The following BCAP29 variants were observed in gnomAD, a reference collection of about 807,000 sequenced individuals.
BCAP29 encodes the protein B cell receptor associated protein 29, also known as B-cell receptor-associated protein 29.
BCAP29 carries 34 observed loss-of-function variants against 31.8 expected under a neutral mutation model. The observed-to-expected ratio is 1.07, with a 90% CI of 0.81 to 1.42. The LOEUF is 1.42. Ranked by LOEUF, BCAP29 falls within the 40% of genes most tolerant of loss-of-function variation. The pLI, the probability that BCAP29 is intolerant of heterozygous loss-of-function variation, is 0.00. For synonymous variants in BCAP29, 104 were observed against 91.3 expected, an observed-to-expected ratio of 1.14 and a Z score of -0.79; for missense variants, 314 against 269.2, an observed-to-expected ratio of 1.17 and a Z score of -1.16.
At chr7:107,600,579 T>TAGGA in intron 6 of BCAP29, 74 bp downstream of exon 6, 1 of 830,540 alleles carries the variant, frequency 1.2e-6, no homozygotes, top group Non-Finnish European at 1.9e-6. Flanking sequence ...CTGTTTTTCC[T>TAGGA]AAAACAAAAC....
At chr7:107,580,933 C>G (rs1385759999) in intron 2 of BCAP29, 69 bp downstream of exon 2, 2 of 1,214,436 alleles carry the variant, frequency 1.6e-6, no homozygotes, top group Non-Finnish European at 2.3e-6. Context: ...AAAAAGTTTT[C>G]TGAACATTAA....
intron 6 of BCAP29, chr7:107,603,646 C>T (rs1811575941): frequency 6.8e-6 from 1 of 147,600 alleles, no homozygotes; most frequent in South Asian, 2.1e-4. Flanking sequence ...CTCACTGTCA[C>T]CCAGGTGGGA....
At chr7:107,617,336 G>T (rs968616677) in intron 7 of BCAP29, among the ~76,000 whole-genome samples, 4 of 152,104 alleles carry the variant, frequency 2.6e-5, no homozygotes, top group Non-Finnish European at 5.9e-5. Flanking sequence ...ACTGTAAATA[G>T]ATCCCAATTT....
chr7:107,583,847 T>G, intron 2 of BCAP29, 35 bp from the exon 3 acceptor site: 1 of 1,157,244 alleles, frequency 8.6e-7, no homozygotes, highest in South Asian at 1.6e-5. Flanking sequence ...TTATTTTAGT[T>G]TTTTTATACC....
Position 107,618,440 on chromosome 7 carries a change from C to A in BCAP29, c.*77C>A. 1 of 1,612,630 alleles carries A rather than the reference C, an allele frequency of 6.2e-7. No individual in the cohort carries two copies. Among genetic ancestry groups the A allele is most frequent in the South Asian group, 1.1e-5 (1 of 90,958 alleles). On this transcript the variant is annotated 3_prime_UTR_variant, in exon 8 of 8. Transcript: ENST00000005259. Reference sequence around the variant, plus strand: ...TGTTAGCCTCTAGAAAATTTAAGTTCAGAAAAATGCACTATGACCGGTTCG... The same window carrying A: ...TGTTAGCCTCTAGAAAATTTAAGTTAAGAAAAATGCACTATGACCGGTTCG...
Position 107,600,466 on chromosome 7 carries a change from C to A in BCAP29, c.550C>A (p.Gln184Lys). 1 of 1,609,516 alleles carries A rather than the reference C, an allele frequency of 6.2e-7. No individual in the cohort carries two copies. ...AGAAAATAAAAAACTAGTAGAAGAC[C>A]AGGAGAAACTGAAAACTGAATTAAG... ...EAENKKLVED[Q>K]EKLKTELRKT... The change falls in exon 6 of 8, where the codon CAG becomes AAG. Residue 184 changes from glutamine (Q) to lysine (K), a missense_variant. Coordinates refer to ENST00000005259, the MANE Select transcript of BCAP29 (RefSeq NM_018844.4).
chr7:107,605,046 C>T (rs936155040), intron 6 of BCAP29, among the ~76,000 whole-genome samples: 4 of 152,118 alleles, frequency 2.6e-5, no homozygotes, highest in Admixed American at 2.6e-4. Context: ...TATCAGAGTA[C>T]TTTTCTTGGA....
At chr7:107,611,654 G>A (rs1248561082) in intron 6 of BCAP29, among the ~76,000 whole-genome samples, 1 of 152,194 alleles carries the variant, frequency 6.6e-6, no homozygotes, top group Non-Finnish European at 1.5e-5. Context: ...TCTTTATGTT[G>A]TGAAGGTGGT....
At chr7:107,611,994 A>G (rs1478218602) in intron 6 of BCAP29, among the ~76,000 whole-genome samples, 1 of 152,198 alleles carries the variant, frequency 6.6e-6, no homozygotes, top group Non-Finnish European at 1.5e-5. Flanking sequence ...AACATTTGAC[A>G]ATACTGTCTA....
Position 107,619,714 on chromosome 7 carries a change from C to G in BCAP29, c.*1351C>G, listed in dbSNP as rs1186815849. 6.6e-6 allele frequency: 1 copy of G among 152,074 alleles called. No homozygotes were observed. Among genetic ancestry groups the G allele is most frequent in the Non-Finnish European group, 1.5e-5 (1 of 68,008 alleles). 9.4% of individuals were successfully genotyped at this position (152,074 alleles called of 1,614,324 possible). A position where few individuals can be genotyped will look rare whatever the true frequency, so the allele number is the denominator to read the frequency against. ...AAGGGAGTGCTGAAATAGGAGAGAA[C>G]AGAGCAAATGTTAGCTCAAAGTATA... On this transcript the variant is annotated 3_prime_UTR_variant, in exon 8 of 8. Coordinates refer to ENST00000005259, the MANE Select transcript of BCAP29 (RefSeq NM_018844.4).
intron 5 of BCAP29, among the ~76,000 whole-genome samples, chr7:107,597,223 C>T (rs1810016529): frequency 1.3e-5 from 2 of 152,062 alleles, no homozygotes; most frequent in Admixed American, 1.3e-4. Context: ...TGTGAAAACA[C>T]CCCCTTTGTT....
chr7:107,613,550 T>A (rs1261707890), intron 7 of BCAP29, 118 bp downstream of exon 7: 4 of 1,341,294 alleles, frequency 3.0e-6, no homozygotes, highest in Admixed American at 2.0e-5. Flanking sequence ...CTGGCTTTGT[T>A]AAACGATTTA....
At chr7:107,584,292 C>A (rs954949769) in intron 3 of BCAP29, among the ~76,000 whole-genome samples, 1 of 152,134 alleles carries the variant, frequency 6.6e-6, no homozygotes, top group South Asian at 2.1e-4. Flanking sequence ...TGTTGTCTCT[C>A]CTTTGTTACT....
chr7:107,582,121 GAGAA>G (rs1052411231), intron 2 of BCAP29, among the ~76,000 whole-genome samples: 1 of 152,132 alleles, frequency 6.6e-6, no homozygotes, highest in Non-Finnish European at 1.5e-5. Context: ...ATATACTCAA[GAGAA>G]AGAAAGATTT....
In BCAP29 at chr7:107,604,690, T is replaced by G. The variant is rs998125128; in HGVS notation, c.589+4185T>G. On this transcript the variant is annotated intron_variant, in intron 6 of 7. Transcript: ENST00000005259. ...TTGTTGTTGTTGTTGTTGTTGTTTTTTTTTTTTTGCTTTGTTGCCTTTTAA... is the reference window on the plus strand; with the variant it reads ...TTGTTGTTGTTGTTGTTGTTGTTTTGTTTTTTTTGCTTTGTTGCCTTTTAA... 7.6e-4 allele frequency among the ~76,000 whole-genome samples: 114 copies of G among 149,718 alleles called. 1 individual carries two copies. Among genetic ancestry groups the G allele is most frequent in the African/African-American group, 2.7e-3 (108 of 39,932 alleles).
rs145323623 is a variant in BCAP29, at chr7:107,583,891, G to A, written c.102G>A (p.Lys34=). ...LPFIPPQRWQ[K]IFSFNVWGKI... ...TTGTATTGCTTTACAGATGGCAGAA[G>A]ATTTTTTCATTTAATGTCTGGGGTA... is the stretch of plus-strand genomic sequence containing the variant. The change falls in exon 3 of 8, where the codon AAG becomes AAA. Residue 34 remains lysine (K), a synonymous_variant. Transcript: ENST00000005259. 1 of 1,558,032 alleles carries A rather than the reference G, an allele frequency of 6.4e-7. No individual in the cohort carries two copies. Among genetic ancestry groups the A allele is most frequent in the African/African-American group, 1.4e-5 (1 of 72,900 alleles).
downstream of BCAP29, chr7:107,621,770 A>G (rs773286491): frequency 1.3e-5 from 6 of 474,746 alleles, no homozygotes; most frequent in Non-Finnish European, 2.6e-5. Context: ...TCTTCCCCAG[A>G]GCCTCTTCCA....
At chr7:107,620,620 C>G, downstream of BCAP29, 1 of 152,076 alleles carries the variant, frequency 6.6e-6, no homozygotes, top group East Asian at 1.9e-4. Flanking sequence ...TTAGACTTTC[C>G]CCCTACTTGC....
In BCAP29 at chr7:107,595,957, C is replaced by G. The variant is rs754799660; in HGVS notation, c.435C>G (p.Asn145Lys). 6.3e-7 allele frequency: 1 copy of G among 1,579,418 alleles called. No homozygotes were observed. Among genetic ancestry groups the G allele is most frequent in the East Asian group, 2.3e-5 (1 of 43,712 alleles). ...GVLKTQAENT[N>K]KAAKKFMEEN... ...TTAAAACTCAAGCAGAAAATACTAA[C>G]AAGGCTGCCAAAAAATTTATGGAAG... Residue 145 changes from asparagine (N) to lysine (K), a missense_variant, in exon 5 of 8, where the codon AAC (asparagine) becomes AAG (lysine). Coordinates refer to ENST00000005259, the MANE Select transcript of BCAP29 (RefSeq NM_018844.4).
Sources: allele counts gnomAD v4.1 joint callset (sites outside exome capture counted in the v4.1 genomes callset), GRCh38; gene constraint gnomAD v4.1.1; transcripts MANE v1.5; gene names NCBI Gene and HGNC (gene_info 2026-07-23, HGNC 2026-07-21).